The following AK5 variants were observed in gnomAD, a reference collection of about 807,000 sequenced individuals.
AK5 encodes adenylate kinase 5.
Under a neutral mutation model 69.5 loss-of-function variants are expected in AK5, and 27 were observed. That is an observed-to-expected ratio of 0.39 (90% CI 0.29 to 0.54). The LOEUF is 0.54. Ranked by LOEUF, AK5 falls within the 20% of genes least tolerant of loss-of-function variation. AK5 has a pLI of 0.71. For missense variants in AK5, 531 were observed against 700.4 expected (o/e 0.76, Z 2.73); for synonymous variants, 260 against 244.4 (o/e 1.06, Z -0.60).
chr1:77,503,206 C>G (rs1656828022), intron 10 of AK5, among the ~76,000 whole-genome samples: 1 of 152,158 alleles, frequency 6.6e-6, no homozygotes, highest in Non-Finnish European at 1.5e-5. Flanking sequence ...ATTAAGACTA[C>G]TAAAAACCAT....
chr1:77,337,643 A>G (rs1004537514), intron 5 of AK5, among the ~76,000 whole-genome samples: 2 of 152,200 alleles, frequency 1.3e-5, no homozygotes, highest in African/African-American at 4.8e-5. Context: ...TCTCTTTATC[A>G]TATATCATAC....
chr1:77,451,528 A>G (rs750321533), intron 8 of AK5, among the ~76,000 whole-genome samples: 2 of 152,164 alleles, frequency 1.3e-5, no homozygotes, highest in Non-Finnish European at 2.9e-5. Flanking sequence ...AACTTTTCCT[A>G]AATCTCTGAA....
chr1:77,368,073 A>G (rs556485600), intron 6 of AK5, among the ~76,000 whole-genome samples: 7 of 136,614 alleles, frequency 5.1e-5, no homozygotes, highest in African/African-American at 1.9e-4. Context: ...CTTTATTTTA[A>G]AGATGGAAAA....
intron 6 of AK5, among the ~76,000 whole-genome samples, chr1:77,393,172 C>A (rs1356760890): frequency 1.3e-5 from 2 of 152,156 alleles, no homozygotes; most frequent in East Asian, 3.9e-4. Context: ...CTAGTAAAAT[C>A]TTTTAAAACT....
At chr1:77,324,154 G>C (rs950182932) in intron 5 of AK5, among the ~76,000 whole-genome samples, 1 of 152,266 alleles carries the variant, frequency 6.6e-6, no homozygotes, top group Admixed American at 6.5e-5. Flanking sequence ...TGAGAAAGTA[G>C]GGTGAAGATT....
intron 12 of AK5, among the ~76,000 whole-genome samples, chr1:77,529,866 G>A (rs1164362556): frequency 1.3e-5 from 2 of 152,066 alleles, no homozygotes; most frequent in African/African-American, 4.8e-5. Context: ...AATAGAAGTA[G>A]AATGCATGGG....
At chr1:77,322,868 A>G (rs1660606043) in intron 5 of AK5, among the ~76,000 whole-genome samples, 1 of 152,252 alleles carries the variant, frequency 6.6e-6, no homozygotes, top group African/African-American at 2.4e-5. Context: ...AACATATTAA[A>G]GTGAATTTTT....
intron 12 of AK5, among the ~76,000 whole-genome samples, chr1:77,522,774 A>T (rs912373280): frequency 1.1e-4 from 16 of 152,246 alleles, no homozygotes; most frequent in African/African-American, 3.1e-4. Flanking sequence ...CAAGAAGGGT[A>T]AAACTGGCCT....
intron 8 of AK5, among the ~76,000 whole-genome samples, chr1:77,441,015 C>T (rs1167779288): frequency 6.6e-6 from 1 of 152,194 alleles, no homozygotes; most frequent in African/African-American, 2.4e-5. Flanking sequence ...TCCCAAAGTG[C>T]TGAGATTACA....
chr1:77,476,902 T>TC (rs1253347993), intron 8 of AK5, among the ~76,000 whole-genome samples: 2 of 106,770 alleles, frequency 1.9e-5, no homozygotes, highest in Non-Finnish European at 4.2e-5. Context: ...GTTTTGCTGT[T>TC]TTTTTAAAAA....
At chr1:77,410,170 T>C (rs1649940313) in intron 6 of AK5, among the ~76,000 whole-genome samples, 1 of 152,114 alleles carries the variant, frequency 6.6e-6, no homozygotes, top group Admixed American at 6.5e-5. Context: ...ATAAAATAAA[T>C]ATTTAAATCT....
chr1:77,341,431 A>G (rs1570408985), intron 6 of AK5, among the ~76,000 whole-genome samples: 1 of 152,344 alleles, frequency 6.6e-6, no homozygotes, highest in Middle Eastern at 3.4e-3. Flanking sequence ...GGCCCGGGCC[A>G]GTGGACCAAA....
In AK5 at chr1:77,287,428, A is replaced by G. The variant is rs555511144; in HGVS notation, c.247+301A>G. 7.9e-5 allele frequency among the ~76,000 whole-genome samples: 12 copies of G among 152,364 alleles called. No homozygotes were observed. The South Asian group carries it at 2.5e-3, about 32-fold the overall frequency. On this transcript the variant is annotated intron_variant, in intron 2 of 13. Coordinates refer to ENST00000354567, the MANE Select transcript of AK5 (RefSeq NM_174858.3). ...ACATACATTTTCCTTAAAATTGCAA[A>G]CAAGATTTCTCCAAATAAATGAATA...
At chr1:77,531,432 C>T (rs1319708585) in intron 12 of AK5, among the ~76,000 whole-genome samples, 17 of 152,132 alleles carry the variant, frequency 1.1e-4, no homozygotes, top group Non-Finnish European at 1.3e-4. Context: ...CGTTTACAAT[C>T]CCTGAGCTAG....
chr1:77,405,788 G>T (rs1649588001), intron 6 of AK5, among the ~76,000 whole-genome samples: 1 of 152,134 alleles, frequency 6.6e-6, no homozygotes, highest in African/African-American at 2.4e-5. Flanking sequence ...CTACCAGACT[G>T]GCCTGAGATA....
intron 6 of AK5, among the ~76,000 whole-genome samples, chr1:77,373,777 C>T (rs1183846586): frequency 6.6e-6 from 1 of 151,716 alleles, no homozygotes; most frequent in Non-Finnish European, 1.5e-5. Context: ...ATGTCCTTAA[C>T]AGATAGTCAT....
At chr1:77,301,640 A>C (rs1035202356) in intron 5 of AK5, among the ~76,000 whole-genome samples, 1 of 152,182 alleles carries the variant, frequency 6.6e-6, no homozygotes, top group South Asian at 2.1e-4. Flanking sequence ...TCTCTACTCT[A>C]TATATAGTTT....
rs1478200462 is a variant in AK5, at chr1:77,378,479, G to A, written c.892-32502G>A. Among the ~76,000 whole-genome samples the A allele has an allele frequency of 4.6e-5, 7 of 152,104 alleles. No individual in the cohort carries two copies. In the East Asian group the frequency reaches 5.8e-4, roughly 13 times the overall value. On this transcript the variant is annotated intron_variant, in intron 6 of 13. Transcript: ENST00000354567. The stretch of plus-strand genomic sequence containing the variant: ...TGGGATTACAGGCATGCACCACCAC[G>A]CCCAGCTAATTTGTATTTTTAGAAG...
intron 10 of AK5, among the ~76,000 whole-genome samples, chr1:77,515,616 A>T (rs1359691349): frequency 1.3e-5 from 2 of 152,236 alleles, no homozygotes; most frequent in East Asian, 3.8e-4. Flanking sequence ...GCAGCCCAAG[A>T]GTAAGACAGG....
Sources: allele counts gnomAD v4.1 joint callset (sites outside exome capture counted in the v4.1 genomes callset), GRCh38; gene constraint gnomAD v4.1.1; transcripts MANE v1.5; gene names NCBI Gene and HGNC (gene_info 2026-07-23, HGNC 2026-07-21).